Variants in COL4A1 observed in about 807,000 individuals in gnomAD.
COL4A1 encodes collagen type IV alpha 1 chain.
A neutral mutation model predicts 216.6 loss-of-function variants in COL4A1; 40 were observed. That is an observed-to-expected ratio of 0.18 (90% CI 0.14 to 0.24). COL4A1 has a LOEUF of 0.24. Among genes scored for constraint, COL4A1 ranks in the 10% least tolerant of loss-of-function variants. The pLI is 1.00. For synonymous variants in COL4A1, 839 were observed against 810.7 expected (o/e 1.03, Z -0.59); for missense variants, 1,628 against 2,196.8 (o/e 0.74, Z 5.18).
Position 110,170,631 on chromosome 13 carries a change from G to C in COL4A1, c.3658C>G (p.Gln1220Glu), listed in dbSNP as rs2139156136. Reference protein sequence around the residue: ...GFMGPPGPQGQPGLPGSPGHA... With the variant: ...GFMGPPGPQGEPGLPGSPGHA... Reference sequence around the variant, plus strand: ...CCTGGGGATCCCGGTAACCCCGGCTGTCCCTGGGGCCCCGGAGGACCCATG... The same window carrying C: ...CCTGGGGATCCCGGTAACCCCGGCTCTCCCTGGGGCCCCGGAGGACCCATG... The change falls in exon 42 of 52, where the codon CAG (glutamine) becomes GAG (glutamate). Residue 1220 changes from glutamine (Q) to glutamate (E), a missense_variant. Around this residue, in one of 8 missense-constraint regions of COL4A1, gnomAD observed 345 missense variants for 476.9 expected, o/e 0.72. Coordinates refer to ENST00000375820, the MANE Select transcript of COL4A1 (RefSeq NM_001845.6). The C allele has an allele frequency of 1.2e-6, 2 of 1,613,264 alleles. No individual in the cohort carries two copies. Among genetic ancestry groups the C allele is most frequent in the South Asian group, 1.1e-5 (1 of 90,830 alleles).
In COL4A1 at chr13:110,192,250, T is replaced by C; in HGVS notation, c.1500A>G (p.Arg500=). 6.2e-7 allele frequency: 1 copy of C among 1,614,202 alleles called. No homozygotes were observed. ...CAACACCATCTCTGCCAGGCAAACC[T>C]CTGTCGCCCTTGGCCCCTGGCTGCC... ...FPGQPGAKGD[R]GLPGRDGVAG... is the part of the protein sequence containing the mutation. Residue 500 remains arginine (R), a synonymous_variant, in exon 24 of 52, where the codon AGA becomes AGG. Coordinates refer to ENST00000375820, the MANE Select transcript of COL4A1 (RefSeq NM_001845.6).
At chr13:110,156,103 C>T (rs573598237) in intron 49 of COL4A1, among the ~76,000 whole-genome samples, 2 of 152,178 alleles carry the variant, frequency 1.3e-5, no homozygotes, top group African/African-American at 2.4e-5. Flanking sequence ...AGATCCAACA[C>T]GAGTTATTTA....
chr13:110,270,765 G>A lies in COL4A1; in HGVS notation c.85-28031C>T, dbSNP rs146137873. On this transcript the variant is annotated intron_variant, in intron 1 of 51. Transcript: ENST00000375820. ...TTCTCTAACAGCGACCATTTACTGC[G>A]TCACCGGAGAATATAGCCTTAGTTA... Among the ~76,000 whole-genome samples, 11 of 152,302 alleles carry A rather than the reference G, an allele frequency of 7.2e-5. No individual in the cohort carries two copies. In the East Asian group the frequency reaches 1.3e-3, roughly 19 times the overall value.
intron 18 of COL4A1, chr13:110,201,736 C>A (rs1302587223): frequency 4.3e-6 from 3 of 699,448 alleles, no homozygotes; most frequent in Non-Finnish European, 7.9e-6. Context: ...GTAATCCCAG[C>A]ACTTTGGGAG....
In COL4A1 at chr13:110,149,831, T is replaced by C. The variant is rs1294265561; in HGVS notation, c.*532A>G. On this transcript the variant is annotated 3_prime_UTR_variant, in exon 52 of 52. Coordinates refer to ENST00000375820, the MANE Select transcript of COL4A1 (RefSeq NM_001845.6). ...CACACATAGCAGAAAGACAGAAATT[T>C]ATACTGGGGGGTTGGAAGATATGGC... The C allele has an allele frequency of 1.8e-5, 3 of 164,010 alleles. No homozygotes were observed. The highest frequency in any genetic ancestry group is 4.1e-5 in the Non-Finnish European group (3 of 74,072). The allele number at this position is 164,010 out of a possible 1,614,324, so 10.2% of individuals were successfully genotyped here.
intron 2 of COL4A1, among the ~76,000 whole-genome samples, chr13:110,215,871 G>A (rs1219202385): frequency 6.6e-6 from 1 of 152,146 alleles, no homozygotes; most frequent in Admixed American, 6.5e-5. Context: ...GCACTTAACT[G>A]GTGAATTAAC....
At chr13:110,226,242 C>G (rs1257062145) in intron 2 of COL4A1, among the ~76,000 whole-genome samples, 1 of 152,190 alleles carries the variant, frequency 6.6e-6, no homozygotes, top group Non-Finnish European at 1.5e-5. Flanking sequence ...AAACTCCCCC[C>G]TTTATCTTAT....
intron 48 of COL4A1, 95 bp from the exon 49 acceptor site, chr13:110,161,464 A>T: frequency 7.3e-7 from 1 of 1,360,994 alleles, no homozygotes; most frequent in South Asian, 1.3e-5. Flanking sequence ...AAGCAAAAAC[A>T]TATAATCAAC....
At chr13:110,194,023 G>A (rs1034273420) in intron 22 of COL4A1, among the ~76,000 whole-genome samples, 1 of 152,214 alleles carries the variant, frequency 6.6e-6, no homozygotes, top group African/African-American at 2.4e-5. Flanking sequence ...GGATAGCTAA[G>A]ATTGCAGTGT....
At chr13:110,154,916 A>G (rs1876705359) in intron 50 of COL4A1, among the ~76,000 whole-genome samples, 1 of 152,256 alleles carries the variant, frequency 6.6e-6, no homozygotes, top group African/African-American at 2.4e-5. Flanking sequence ...AGCTGGTTGT[A>G]TGGAGAAGCT....
At chr13:110,187,578 G>A (rs1410964970) in intron 24 of COL4A1, among the ~76,000 whole-genome samples, 2 of 152,142 alleles carry the variant, frequency 1.3e-5, no homozygotes, top group Non-Finnish European at 2.9e-5. Flanking sequence ...CCTGGATGGG[G>A]CAGAGGGAGT....
intron 2 of COL4A1, among the ~76,000 whole-genome samples, chr13:110,220,090 A>G (rs1315302735): frequency 6.7e-6 from 1 of 149,648 alleles, no homozygotes; most frequent in African/African-American, 2.5e-5. Context: ...GTAGTGTGCC[A>G]CCATGCGCCG....
intron 23 of COL4A1, 144 bp downstream of exon 23, chr13:110,192,686 A>C: frequency 1.5e-6 from 1 of 664,272 alleles, no homozygotes; most frequent in Non-Finnish European, 2.6e-6. Context: ...AAATCCTGGA[A>C]GTGGGGCCCA....
At chr13:110,204,606 G>A (rs2139195293) in intron 17 of COL4A1, among the ~76,000 whole-genome samples, 1 of 150,294 alleles carries the variant, frequency 6.7e-6, no homozygotes. Context: ...GCAATAATGA[G>A]GTTTTTTTTT....
Position 110,252,645 on chromosome 13 carries a change from TACAA to T in COL4A1, c.85-9915_85-9912del, listed in dbSNP as rs1290574955. 1.1e-3 allele frequency among the ~76,000 whole-genome samples: 41 copies of T among 38,372 alleles called. 12 individuals are homozygous for T. The highest frequency in any genetic ancestry group is 4.6e-3 in the Admixed American group (13 of 2,818). The allele number at this position is 38,372 out of a possible 152,430, so 25.2% of individuals were successfully genotyped here. Reference sequence around the variant, plus strand: ...ATTGTATATATTATATATACTTATATACAAAATGTATATATGTATATATACATAT... The same window carrying T: ...ATTGTATATATTATATATACTTATATAATGTATATATGTATATATACATAT... On this transcript the variant is annotated intron_variant, in intron 1 of 51. Coordinates refer to ENST00000375820, the MANE Select transcript of COL4A1 (RefSeq NM_001845.6).
At chr13:110,159,366 A>AT (rs2138425384) in intron 49 of COL4A1, among the ~76,000 whole-genome samples, 1 of 152,290 alleles carries the variant, frequency 6.6e-6, no homozygotes, top group East Asian at 1.9e-4. Flanking sequence ...CAAACAGAGG[A>AT]GATACACAGT....
At chr13:110,301,662 CG>C in intron 1 of COL4A1, among the ~76,000 whole-genome samples, 1 of 152,254 alleles carries the variant, frequency 6.6e-6, no homozygotes, top group East Asian at 1.9e-4. Context: ...GGGCAGGCTG[CG>C]AACTGTTTCA....
At chr13:110,281,587 A>G (rs560740152) in intron 1 of COL4A1, among the ~76,000 whole-genome samples, 1 of 152,316 alleles carries the variant, frequency 6.6e-6, no homozygotes, top group African/African-American at 2.4e-5. Flanking sequence ...CAGAAACTCA[A>G]TTTCATCAAA....
intron 27 of COL4A1, 32 bp from the exon 28 acceptor site, chr13:110,183,129 G>C (rs1468247572): frequency 6.2e-7 from 1 of 1,612,304 alleles, no homozygotes; most frequent in South Asian, 1.1e-5. Flanking sequence ...GTCAGCGTGA[G>C]AAAAACGTGA....
Sources: gnomAD v4.1 joint callset for allele counts (sites outside exome capture counted in the v4.1 genomes callset) on GRCh38, gnomAD v4.1.1 for gene constraint, gnomAD v4.1.1 regional missense constraint, MANE v1.5 for transcripts, NCBI Gene and HGNC (gene_info 2026-07-23, HGNC 2026-07-21) for gene names.